Variants in THSD7B observed in about 807,000 individuals in gnomAD.
THSD7B encodes thrombospondin type 1 domain containing 7B.
Under a neutral mutation model 213.6 loss-of-function variants are expected in THSD7B, and 138 were observed. That is an observed-to-expected ratio of 0.65 (90% CI 0.56 to 0.74). The LOEUF is 0.74. Among genes scored for constraint, THSD7B ranks in the 30% least tolerant of loss-of-function variants. The pLI is 0.00. For missense variants in THSD7B, 1,931 were observed against 1,991.5 expected (o/e 0.97, Z 0.58); for synonymous variants, 742 against 687.0 (o/e 1.08, Z -1.25).
At chr2:137,617,946 A>G (rs1332258852) in intron 18 of THSD7B, among the ~76,000 whole-genome samples, 3 of 152,132 alleles carry the variant, frequency 2.0e-5, no homozygotes, top group South Asian at 4.1e-4. Flanking sequence ...CCCTCAAAAT[A>G]CCATCACCTA....
At chr2:136,841,218 C>G (rs979277094) in intron 1 of THSD7B, among the ~76,000 whole-genome samples, 5 of 152,072 alleles carry the variant, frequency 3.3e-5, no homozygotes, top group Admixed American at 3.3e-4. Flanking sequence ...TGTCTGACTC[C>G]GTAGTGTGCT....
chr2:137,349,035 G>A (rs1041273025), intron 12 of THSD7B, among the ~76,000 whole-genome samples: 3 of 147,286 alleles, frequency 2.0e-5, no homozygotes, highest in Admixed American at 2.0e-4. Context: ...ATGCGTGTGT[G>A]TGAGTATGCA....
intron 2 of THSD7B, among the ~76,000 whole-genome samples, chr2:137,052,848 G>A (rs1035382896): frequency 6.6e-5 from 10 of 152,184 alleles, no homozygotes; most frequent in African/African-American, 2.4e-4. Flanking sequence ...AACTGCAAAT[G>A]GCTATAGGTC....
chr2:137,140,190 C>A (rs956665789), intron 5 of THSD7B, among the ~76,000 whole-genome samples: 1 of 152,130 alleles, frequency 6.6e-6, no homozygotes, highest in African/African-American at 2.4e-5. Context: ...GATGTACATG[C>A]AGAATATTTT....
At chr2:137,121,543 A>C (rs1348836443) in intron 5 of THSD7B, among the ~76,000 whole-genome samples, 3 of 152,192 alleles carry the variant, frequency 2.0e-5, no homozygotes, top group Admixed American at 6.5e-5. Context: ...CTAGAACTAG[A>C]TATGAATATG....
At chr2:137,204,828 A>G (rs551853572) in intron 7 of THSD7B, among the ~76,000 whole-genome samples, 1 of 152,084 alleles carries the variant, frequency 6.6e-6, no homozygotes, top group African/African-American at 2.4e-5. Flanking sequence ...TTCATCCAGA[A>G]CTCAGATTTA....
chr2:137,673,270 A>ATGTG (rs1165963025), intron 27 of THSD7B, among the ~76,000 whole-genome samples: 4 of 152,192 alleles, frequency 2.6e-5, no homozygotes, highest in African/African-American at 9.7e-5. Flanking sequence ...TAACTTTAAA[A>ATGTG]TGTGTCTGCC....
intron 14 of THSD7B, among the ~76,000 whole-genome samples, chr2:137,414,299 C>T (rs34164304): frequency 0.013 from 1,995 of 151,834 alleles, 20 homozygotes; most frequent in Non-Finnish European, 0.02. Flanking sequence ...AAAAAAATAG[C>T]GAGTGAAAAT....
intron 4 of THSD7B, among the ~76,000 whole-genome samples, chr2:137,103,242 T>A (rs1688183527): frequency 6.6e-6 from 1 of 150,868 alleles, no homozygotes; most frequent in Non-Finnish European, 1.5e-5. Context: ...TCAACATTTT[T>A]AAAAGAATTT....
chr2:137,556,873 A>G (rs1680982366), intron 15 of THSD7B, among the ~76,000 whole-genome samples: 1 of 152,316 alleles, frequency 6.6e-6, no homozygotes, highest in African/African-American at 2.4e-5. Context: ...GAAAACAAAA[A>G]AAGGCAGGGG....
chr2:137,456,948 G>T (rs567154375), intron 15 of THSD7B, among the ~76,000 whole-genome samples: 2 of 152,224 alleles, frequency 1.3e-5, no homozygotes, highest in African/African-American at 4.8e-5. Context: ...CCTTTATGCC[G>T]GTCAGCTAGC....
intron 1 of THSD7B, among the ~76,000 whole-genome samples, chr2:136,866,062 C>T (rs1332292959): frequency 3.9e-5 from 6 of 152,186 alleles, no homozygotes; most frequent in African/African-American, 1.4e-4. Flanking sequence ...TGAGCATTGC[C>T]TCTGGTTCCC....
chr2:136,871,863 G>C (rs2104981652), intron 1 of THSD7B, among the ~76,000 whole-genome samples: 1 of 152,264 alleles, frequency 6.6e-6, no homozygotes, highest in South Asian at 2.1e-4. Flanking sequence ...CTATGCAATT[G>C]CCATCATAAA....
chr2:137,201,229 G>C (rs1438985730), intron 7 of THSD7B, among the ~76,000 whole-genome samples: 1 of 152,278 alleles, frequency 6.6e-6, no homozygotes, highest in Non-Finnish European at 1.5e-5. Context: ...GCAAATGACA[G>C]AATTTTCTTC....
rs540400427 is a variant in THSD7B, at chr2:137,172,142, A to G, written c.1723+1204A>G. On this transcript the variant is annotated intron_variant, in intron 7 of 27. Coordinates refer to ENST00000409968, the MANE Select transcript of THSD7B (RefSeq NM_001316349.2). ...GTCTTCGTCCCTGGCTCCTTATCAC[A>G]GAGCTCCTAAAACCCTGGTTATTTC... Among the ~76,000 whole-genome samples, 7 of 152,320 alleles carry G rather than the reference A, an allele frequency of 4.6e-5. No homozygotes were observed. The South Asian group carries it at 1.2e-3, about 27-fold the overall frequency.
At chr2:137,247,055 A>G (rs192120614) in intron 10 of THSD7B, among the ~76,000 whole-genome samples, 20 of 152,322 alleles carry the variant, frequency 1.3e-4, no homozygotes, top group African/African-American at 4.6e-4. Flanking sequence ...ATGTCTTCAC[A>G]TACATTTCAG....
chr2:137,487,322 T>G (rs1688475046), intron 15 of THSD7B, among the ~76,000 whole-genome samples: 1 of 122,914 alleles, frequency 8.1e-6, no homozygotes, highest in Non-Finnish European at 1.6e-5. Context: ...GAGCCGAGAT[T>G]GCGCCACTGC....
At chr2:137,141,736 A>T (rs945599811) in intron 5 of THSD7B, among the ~76,000 whole-genome samples, 1 of 151,868 alleles carries the variant, frequency 6.6e-6, no homozygotes, top group Non-Finnish European at 1.5e-5. Context: ...TAAAACAATC[A>T]TATTTAGTTA....
chr2:137,037,816 G>A (rs10167766), intron 2 of THSD7B, among the ~76,000 whole-genome samples: 88,003 of 151,650 alleles, frequency 0.58, 29,488 homozygotes, highest in Non-Finnish European at 0.73. Flanking sequence ...ACAGTATGGA[G>A]AAATGATATT....
Sources: gnomAD v4.1 joint callset for allele counts (sites outside exome capture counted in the v4.1 genomes callset) on GRCh38, gnomAD v4.1.1 for gene constraint, MANE v1.5 for transcripts, NCBI Gene and HGNC (gene_info 2026-07-23, HGNC 2026-07-21) for gene names.